The following ATP2B2 variants were observed in gnomAD, a reference collection of about 807,000 sequenced individuals.
ATP2B2 encodes the protein plasma membrane calcium-transporting ATPase 2.
ATP2B2 carries 15 observed loss-of-function variants against 120.0 expected under a neutral mutation model. That is an observed-to-expected ratio of 0.12 (90% CI 0.08 to 0.19). ATP2B2 has a LOEUF of 0.19. Among genes scored for constraint, ATP2B2 ranks in the 10% least tolerant of loss-of-function variants. The pLI is 1.00. For missense variants in ATP2B2, 1,045 were observed against 1,719.8 expected (o/e 0.61, Z 6.94); for synonymous variants, 694 against 700.3 (o/e 0.99, Z 0.14).
At chr3:10,513,844 G>A (rs745424635) in intron 3 of ATP2B2, among the ~76,000 whole-genome samples, 16 of 152,128 alleles carry the variant, frequency 1.1e-4, no homozygotes, top group African/African-American at 3.6e-4. Context: ...CAGGGGCTGG[G>A]AAGTTCCCTT....
chr3:10,444,000 C>T (rs2063753173), intron 2 of ATP2B2, among the ~76,000 whole-genome samples: 2 of 152,180 alleles, frequency 1.3e-5, no homozygotes, highest in East Asian at 3.8e-4. Context: ...GTCTTCCCCT[C>T]CACCCCTGCA....
Position 10,346,421 on chromosome 3 carries a change from G to C in ATP2B2, c.2405-284C>G, listed in dbSNP as rs1384990720. ...GCTGTCTGCAACCTGTGGCCACATT[G>C]GCATCCATCCTAACCAGAAACACTG... is the stretch of plus-strand genomic sequence containing the variant. On this transcript the variant is annotated intron_variant, in intron 16 of 22. Coordinates refer to ENST00000360273, the MANE Select transcript of ATP2B2 (RefSeq NM_001001331.4). This position sits in a 1 kb window ranked among gnomAD's most constrained non-coding sequence, Gnocchi z 4.1. 6.6e-6 allele frequency among the ~76,000 whole-genome samples: 1 copy of C among 152,216 alleles called. No individual in the cohort carries two copies. The highest frequency in any genetic ancestry group is 1.5e-5 in the Non-Finnish European group (1 of 68,034).
intron 1 of ATP2B2, among the ~76,000 whole-genome samples, chr3:10,652,023 T>C (rs1214919394): frequency 6.6e-6 from 1 of 152,122 alleles, no homozygotes; most frequent in Non-Finnish European, 1.5e-5. Flanking sequence ...CCCTGGCAAA[T>C]CAGTACAATA....
intron 2 of ATP2B2, among the ~76,000 whole-genome samples, chr3:10,595,636 A>G (rs1313719499): frequency 1.3e-5 from 1 of 77,292 alleles, no homozygotes; most frequent in Non-Finnish European, 2.5e-5. Flanking sequence ...CACATCTCAT[A>G]TAAACAGACC....
chr3:10,666,964 A>G (rs1314358620), intron 1 of ATP2B2, among the ~76,000 whole-genome samples: 1 of 152,192 alleles, frequency 6.6e-6, no homozygotes, highest in African/African-American at 2.4e-5. Context: ...TTACCAGGCA[A>G]CCAGGACTAT....
rs1334351352 is a variant in ATP2B2, at chr3:10,350,310, C to A, written c.2316+88G>T. On this transcript the variant is annotated intron_variant, in intron 15 of 22. Transcript: ENST00000360273. Reference sequence around the variant, plus strand: ...CACTGGGCTCTTAGCAGCACACTGGCTGGCTTCTGTACAATCATGCAGCAC... The same window carrying A: ...CACTGGGCTCTTAGCAGCACACTGGATGGCTTCTGTACAATCATGCAGCAC... 7 of 1,595,878 alleles carry A rather than the reference C, an allele frequency of 4.4e-6. No homozygotes were observed. In the African/African-American group the frequency reaches 9.4e-5, roughly 21 times the overall value.
In ATP2B2 at chr3:10,400,921, G is replaced by A. The variant is rs747280810; in HGVS notation, c.781+32C>T. On this transcript the variant is annotated intron_variant, in intron 5 of 22. Coordinates refer to ENST00000360273, the MANE Select transcript of ATP2B2 (RefSeq NM_001001331.4). ...ACAGGCATCCCCTGTGCATGGCGAC[G>A]GGAATGGGCCCAACATCAGGCTGAA... 36 of 1,613,356 alleles carry A rather than the reference G, an allele frequency of 2.2e-5. 1 individual carries two copies. The highest frequency in any genetic ancestry group is 1.5e-4 in the African/African-American group (11 of 75,042).
intron 2 of ATP2B2, among the ~76,000 whole-genome samples, chr3:10,585,369 C>T (rs1321692352): frequency 1.3e-5 from 2 of 151,722 alleles, no homozygotes; most frequent in South Asian, 2.1e-4. Flanking sequence ...ATGGTGGGCG[C>T]CTGTAGTCCC....
rs190777614 is a variant in ATP2B2 at position 10,619,814 on chromosome 3, C to T, written c.-415+103G>A. 4.9e-3 allele frequency: 750 copies of T among 152,258 alleles called. 1 individual carries two copies. The highest frequency in any genetic ancestry group is 7.8e-3 in the Non-Finnish European group (529 of 68,054). 9.4% of individuals were successfully genotyped at this position (152,258 alleles called of 1,614,324 possible). ...ACAGAGAGGCGGTTTGCAAACTGGG[C>T]GTTTCTAAATCAAGGCTGCCAGAAG... On this transcript the variant is annotated intron_variant, in intron 2 of 21. Coordinates refer to the ATP2B2 transcript ENST00000646379.
At chr3:10,485,224 G>C (rs551420837) in intron 1 of ATP2B2, among the ~76,000 whole-genome samples, 1 of 152,362 alleles carries the variant, frequency 6.6e-6, no homozygotes, top group South Asian at 2.1e-4. Context: ...TAGGCACCAA[G>C]GGTGCCTTCC....
At chr3:10,427,527 C>T (rs2063182439) in intron 2 of ATP2B2, among the ~76,000 whole-genome samples, 1 of 152,210 alleles carries the variant, frequency 6.6e-6, no homozygotes. Flanking sequence ...TAAGCCTAAC[C>T]TTGGTCATTC....
At chr3:10,556,023 T>C (rs2125521112) in intron 2 of ATP2B2, among the ~76,000 whole-genome samples, 1 of 152,274 alleles carries the variant, frequency 6.6e-6, no homozygotes, top group Non-Finnish European at 1.5e-5. Context: ...CTCAGCCTCC[T>C]GAGTAGCTGG....
intron 1 of ATP2B2, among the ~76,000 whole-genome samples, chr3:10,677,499 C>T (rs1328477517): frequency 6.6e-6 from 1 of 152,128 alleles, no homozygotes; most frequent in African/African-American, 2.4e-5. Flanking sequence ...ATACATTTGT[C>T]CAGACCCACA....
At chr3:10,707,449 GCT>G (rs1487778085) in intron 1 of ATP2B2, among the ~76,000 whole-genome samples, 1 of 152,232 alleles carries the variant, frequency 6.6e-6, no homozygotes, top group East Asian at 1.9e-4. Flanking sequence ...AGTCTCTGCA[GCT>G]CTCAACCTGT....
At chr3:10,441,241 C>A (rs2063653716) in intron 2 of ATP2B2, among the ~76,000 whole-genome samples, 1 of 152,162 alleles carries the variant, frequency 6.6e-6, no homozygotes, top group African/African-American at 2.4e-5. Flanking sequence ...CTCTGTGCCC[C>A]TGGAGTTGTT....
At chr3:10,438,348 C>T (rs548758667) in intron 2 of ATP2B2, among the ~76,000 whole-genome samples, 1 of 152,338 alleles carries the variant, frequency 6.6e-6, no homozygotes, top group African/African-American at 2.4e-5. Flanking sequence ...CCCAAGGGCT[C>T]ACCCAACAGC....
At chr3:10,495,187 GCCAGGTATGAATCAC>G (rs1416317310) in intron 1 of ATP2B2, among the ~76,000 whole-genome samples, 2 of 152,186 alleles carry the variant, frequency 1.3e-5, no homozygotes, top group Non-Finnish European at 2.9e-5. Flanking sequence ...TGGGACATGG[GCCAGGTATGAATCAC>G]CCTATTCCCA....
intron 2 of ATP2B2, among the ~76,000 whole-genome samples, chr3:10,596,316 C>A (rs1233654263): frequency 6.6e-6 from 1 of 152,230 alleles, no homozygotes; most frequent in South Asian, 2.1e-4. Flanking sequence ...AACCAAAGTT[C>A]TATGAGGGCA....
rs562695455 is a variant in ATP2B2 at position 10,329,354 on chromosome 3, T to C, written c.3421-229A>G. Among the ~76,000 whole-genome samples, 30 of 152,216 alleles carry C rather than the reference T, an allele frequency of 2.0e-4. No homozygotes were observed. The East Asian group carries it at 5.6e-3, about 29-fold the overall frequency. On this transcript the variant is annotated intron_variant, in intron 22 of 22. Coordinates refer to ENST00000360273, the MANE Select transcript of ATP2B2 (RefSeq NM_001001331.4). The surrounding 1 kb of genome is among the most constrained non-coding windows in gnomAD (Gnocchi z 5.9). The stretch of plus-strand genomic sequence containing the variant: ...AAATCTCTTTGGTTTTGGTAGAAAC[T>C]AGTGTTAGGACAGGAGGAATCACCA...
Sources: allele counts gnomAD v4.1 joint callset (sites outside exome capture counted in the v4.1 genomes callset), GRCh38; gene constraint gnomAD v4.1.1; non-coding constraint Gnocchi (gnomAD v3.1); transcripts MANE v1.5; gene names NCBI Gene and HGNC (gene_info 2026-07-23, HGNC 2026-07-21).